Variants in RBFOX1 observed in about 807,000 individuals in gnomAD.
RBFOX1 encodes RNA binding fox-1 homolog 1.
A neutral mutation model predicts 57.7 loss-of-function variants in RBFOX1; 8 were observed. The observed-to-expected ratio is 0.14, with a 90% CI of 0.08 to 0.25. The LOEUF is 0.25. RBFOX1 is among the 10% of genes least tolerant of loss of function. The pLI is 1.00. For missense variants in RBFOX1, 611 were observed against 548.5 expected (o/e 1.11, Z -1.14); for synonymous variants, 326 against 222.4 (o/e 1.47, Z -4.15).
intron 1 of RBFOX1, among the ~76,000 whole-genome samples, chr16:5,445,883 A>C (rs537489878): frequency 4.2e-4 from 64 of 152,338 alleles, no homozygotes; most frequent in African/African-American, 1.5e-3. Flanking sequence ...CCTCAGGGTT[A>C]GTTCTTTTTC....
At chr16:7,308,608 T>C (rs938237490) in intron 4 of RBFOX1, among the ~76,000 whole-genome samples, 4 of 152,168 alleles carry the variant, frequency 2.6e-5, no homozygotes, top group African/African-American at 9.7e-5. Flanking sequence ...GTGAAGTGGT[T>C]TGTACAAAGG....
chr16:5,337,602 T>G (rs2064930197), intron 1 of RBFOX1, among the ~76,000 whole-genome samples: 1 of 152,198 alleles, frequency 6.6e-6, no homozygotes. Flanking sequence ...AAAATAAATA[T>G]TGTTGAATGT....
intron 3 of RBFOX1, among the ~76,000 whole-genome samples, chr16:6,951,581 G>T (rs1449510819): frequency 6.6e-6 from 1 of 152,138 alleles, no homozygotes; most frequent in Middle Eastern, 3.4e-3. Flanking sequence ...TTCTCTCCTT[G>T]TACCTTGTTC....
intron 1 of RBFOX1, among the ~76,000 whole-genome samples, chr16:6,285,057 G>T (rs1599183261): frequency 6.6e-6 from 1 of 152,196 alleles, no homozygotes; most frequent in East Asian, 1.9e-4. Flanking sequence ...GGAAATCGCA[G>T]GAATGTTGAT....
At chr16:7,193,410 T>C (rs2085909733) in intron 4 of RBFOX1, among the ~76,000 whole-genome samples, 1 of 152,228 alleles carries the variant, frequency 6.6e-6, no homozygotes, top group East Asian at 1.9e-4. Context: ...CTGCATCAGA[T>C]TTCTGAACTA....
chr16:5,772,613 G>C (rs1878642856), intron 3 of RBFOX1, among the ~76,000 whole-genome samples: 1 of 152,252 alleles, frequency 6.6e-6, no homozygotes, highest in South Asian at 2.1e-4. Flanking sequence ...TTGGGCAAGT[G>C]AGTTGAAAGG....
chr16:7,488,088 G>T (rs147569710), intron 4 of RBFOX1, among the ~76,000 whole-genome samples: 3 of 152,252 alleles, frequency 2.0e-5, no homozygotes, highest in African/African-American at 7.2e-5. Context: ...GCTGTTAGAG[G>T]GAAAAGACCT....
intron 4 of RBFOX1, among the ~76,000 whole-genome samples, chr16:7,397,395 A>T (rs946360043): frequency 6.6e-6 from 1 of 152,216 alleles, no homozygotes; most frequent in Non-Finnish European, 1.5e-5. Context: ...GTTGGCTTAT[A>T]GGAGCACCAG....
intron 4 of RBFOX1, among the ~76,000 whole-genome samples, chr16:5,892,291 T>A (rs1258291865): frequency 6.6e-6 from 1 of 152,156 alleles, no homozygotes; most frequent in East Asian, 1.9e-4. Flanking sequence ...TCTTGGTGAT[T>A]GAGCATGCTT....
At chr16:7,050,029 C>G (rs146702559) in intron 3 of RBFOX1, among the ~76,000 whole-genome samples, 1 of 152,256 alleles carries the variant, frequency 6.6e-6, no homozygotes, top group Non-Finnish European at 1.5e-5. Flanking sequence ...TAACCCAGTC[C>G]TCTGGCAACA....
chr16:5,573,804 A>G (rs776164792), intron 2 of RBFOX1, among the ~76,000 whole-genome samples: 3 of 152,142 alleles, frequency 2.0e-5, no homozygotes, highest in African/African-American at 7.2e-5. Context: ...TCTACAAAAA[A>G]TAGGCTGGGT....
intron 4 of RBFOX1, among the ~76,000 whole-genome samples, chr16:6,000,427 C>G (rs984428624): frequency 6.6e-6 from 1 of 152,106 alleles, no homozygotes; most frequent in African/African-American, 2.4e-5. Context: ...CCAGAATTTC[C>G]TTTGAGGAAA....
chr16:5,799,439 C>T (rs79399252), intron 3 of RBFOX1, among the ~76,000 whole-genome samples: 1,647 of 152,058 alleles, frequency 0.011, 26 homozygotes, highest in African/African-American at 0.037. Flanking sequence ...GTATGGTCCC[C>T]GAATTATGAT....
At position 6,410,008 on chromosome 16, in the gene RBFOX1, T is replaced by C. The variant is rs62015210; in HGVS notation, c.-64+92951T>C. 7.6e-3 allele frequency among the ~76,000 whole-genome samples: 1,164 copies of C among 152,236 alleles called. 7 individuals are homozygous for C. Among genetic ancestry groups the C allele is most frequent in the Non-Finnish European group, 0.013 (890 of 68,016 alleles). ...TGCTTTACCTGTCTTGCCTGTTCAA[T>C]TTGTCCTCTACGAGGCAAAGGTGAG... On this transcript the variant is annotated intron_variant, in intron 2 of 15. Coordinates refer to ENST00000550418, the MANE Select transcript of RBFOX1 (RefSeq NM_018723.4).
chr16:7,125,139 A>G (rs997216767), intron 4 of RBFOX1, among the ~76,000 whole-genome samples: 1 of 152,188 alleles, frequency 6.6e-6, no homozygotes, highest in Non-Finnish European at 1.5e-5. Context: ...TGCCCTTGGG[A>G]AGAAAGAGGT....
intron 4 of RBFOX1, among the ~76,000 whole-genome samples, chr16:5,868,954 A>G (rs28417475): frequency 0.11 from 17,473 of 152,190 alleles, 1,575 homozygotes; most frequent in African/African-American, 0.24. Flanking sequence ...CACTGCACGC[A>G]TCGTTATATA....
chr16:6,934,409 A>T (rs762261340), intron 3 of RBFOX1, among the ~76,000 whole-genome samples: 1 of 152,216 alleles, frequency 6.6e-6, no homozygotes, highest in Non-Finnish European at 1.5e-5. Context: ...AGTATTTGAA[A>T]GGGAGACCTG....
intron 3 of RBFOX1, among the ~76,000 whole-genome samples, chr16:6,957,686 C>G (rs754984654): frequency 4.5e-4 from 69 of 152,212 alleles, no homozygotes; most frequent in Non-Finnish European, 7.5e-4. Flanking sequence ...GCCTTAACCT[C>G]AGGGGAAAGT....
chr16:6,063,627 A>C (rs74438107), intron 1 of RBFOX1, among the ~76,000 whole-genome samples: 1 of 152,026 alleles, frequency 6.6e-6, no homozygotes, highest in Admixed American at 6.6e-5. Flanking sequence ...CGTTTACTCT[A>C]TTATCAAGCT....
Sources: gnomAD v4.1 joint callset for allele counts (sites outside exome capture counted in the v4.1 genomes callset) on GRCh38, gnomAD v4.1.1 for gene constraint, MANE v1.5 for transcripts, NCBI Gene and HGNC (gene_info 2026-07-23, HGNC 2026-07-21) for gene names.